Variants in RFC4 observed in about 807,000 individuals in gnomAD.
RFC4 encodes the protein A1 37 kDa subunit.
RFC4 carries 38 observed loss-of-function variants against 47.6 expected under a neutral mutation model. That is an observed-to-expected ratio of 0.80 (90% CI 0.62 to 1.05). RFC4 has a LOEUF of 1.05. RFC4 is among the 50% of genes least tolerant of loss of function. The probability of loss-of-function intolerance (pLI) is 0.00; values close to 1 mark genes in which losing one functional copy is unlikely to be tolerated. For synonymous variants in RFC4, 164 were observed against 150.0 expected (o/e 1.09, Z -0.68); for missense variants, 489 against 434.0 (o/e 1.13, Z -1.13).
intron 4 of RFC4, among the ~76,000 whole-genome samples, chr3:186,795,237 C>A (rs1019508907): frequency 2.0e-5 from 3 of 152,200 alleles, no homozygotes. Context: ...GTGATCCTTC[C>A]ACCTTGGCCT....
chr3:186,790,311 G>A lies in RFC4; in HGVS notation c.882+15C>T, dbSNP rs1218855157. 9 of 1,612,880 alleles carry A rather than the reference G, an allele frequency of 5.6e-6. No individual in the cohort carries two copies. Among genetic ancestry groups the A allele is most frequent in the Non-Finnish European group, 7.6e-6 (9 of 1,178,890 alleles). ...CTTAATATTCCTTTCCCCAAAGTTAGTAAGCTGACTTTACCTTGACCACAG... is the reference window on the plus strand; with the variant it reads ...CTTAATATTCCTTTCCCCAAAGTTAATAAGCTGACTTTACCTTGACCACAG... On this transcript the variant is annotated intron_variant, in intron 9 of 10. Coordinates refer to ENST00000296273, the MANE Select transcript of RFC4 (RefSeq NM_002916.5).
At chr3:186,790,507 C>CTAAG (rs1722082407) in intron 8 of RFC4, 101 bp from the exon 9 acceptor site, 3 of 825,662 alleles carry the variant, frequency 3.6e-6, no homozygotes, top group Middle Eastern at 2.3e-4. Flanking sequence ...TGTTCCACAC[C>CTAAG]TAAGTTCCAT....
rs918705520 is a variant in RFC4 at position 186,792,891 on chromosome 3, G to A, written c.467C>T (p.Thr156Ile). Reference protein sequence around the residue: ...IVILDEADSMTSAAQAALRRT... With the variant: ...IVILDEADSMISAAQAALRRT... ...TCTTAAAGCTGCCTGAGCAGCTGAGGTCATAGAATCTGCTTCATCCAGAAT... is the reference window on the plus strand; with the variant it reads ...TCTTAAAGCTGCCTGAGCAGCTGAGATCATAGAATCTGCTTCATCCAGAAT... The change falls in exon 6 of 11, where the codon ACC (threonine) becomes ATC (isoleucine). Residue 156 changes from threonine (T) to isoleucine (I), a missense_variant. By Grantham distance (89) the Thr-to-Ile change is moderately conservative (BLOSUM62 -1). Around this residue, in one of 2 missense-constraint regions of RFC4, gnomAD observed 206 missense variants for 257.8 expected, o/e 0.80. Coordinates refer to ENST00000296273, the MANE Select transcript of RFC4 (RefSeq NM_002916.5). 7 of 1,613,482 alleles carry A rather than the reference G, an allele frequency of 4.3e-6. No individual in the cohort carries two copies. Among genetic ancestry groups the A allele is most frequent in the Non-Finnish European group, 5.9e-6 (7 of 1,179,452 alleles).
chr3:186,798,183 C>T (rs1722280368), intron 3 of RFC4, among the ~76,000 whole-genome samples: 1 of 152,158 alleles, frequency 6.6e-6, no homozygotes, highest in African/African-American at 2.4e-5. Flanking sequence ...CATGATTATG[C>T]ACTCTGTAAG....
rs372512865 is a variant in RFC4, at chr3:186,792,805, G to A, written c.553C>T (p.Arg185Ter). Reference sequence around the variant, plus strand: ...CTGTCTTCAGGGCAATATACATACCGACTGACATAGTTACAGATAAGACAG... The same window carrying A: ...CTGTCTTCAGGGCAATATACATACCAACTGACATAGTTACAGATAAGACAG... ...RFCLICNYVS[R>*]IIEPLTSRCS... is the part of the protein sequence containing the mutation. The change falls in exon 6 of 11, where the codon CGA becomes TGA. Residue 185 changes from arginine (R) to a stop codon, truncating the protein, a stop_gained and splice_region_variant. Coordinates refer to ENST00000296273, the MANE Select transcript of RFC4 (RefSeq NM_002916.5). LOFTEE classifies it high-confidence loss of function. 5.6e-6 allele frequency: 9 copies of A among 1,611,818 alleles called. No individual in the cohort carries two copies. Among genetic ancestry groups the A allele is most frequent in the Admixed American group, 5.0e-5 (3 of 59,420 alleles).
chr3:186,799,406 G>T (rs1430212331), intron 3 of RFC4, among the ~76,000 whole-genome samples: 1 of 152,098 alleles, frequency 6.6e-6, no homozygotes, highest in Non-Finnish European at 1.5e-5. Flanking sequence ...TTAAACTGAA[G>T]TTCTTACTTC....
rs377324686 is a variant in RFC4, at chr3:186,794,828, T to A, written c.291-51A>T. 3.1e-6 allele frequency: 5 copies of A among 1,601,876 alleles called. No individual in the cohort carries two copies. The African/African-American group carries it at 5.4e-5, about 17-fold the overall frequency. On this transcript the variant is annotated intron_variant, in intron 4 of 10. Coordinates refer to ENST00000296273, the MANE Select transcript of RFC4 (RefSeq NM_002916.5). The stretch of plus-strand genomic sequence containing the variant: ...AACATAGAGCACAAGTAGGCTTAAA[T>A]CACATTTTAACATTTGCACACTTTG...
chr3:186,795,031 G>A (rs1303592391), intron 4 of RFC4, among the ~76,000 whole-genome samples: 1 of 152,140 alleles, frequency 6.6e-6, no homozygotes, highest in African/African-American at 2.4e-5. Flanking sequence ...TGGAGACAAG[G>A]TCTTGCTCTG....
At chr3:186,790,100 G>A (rs368359403) in intron 10 of RFC4, 36 bp from the exon 11 acceptor site, 4 of 1,601,116 alleles carry the variant, frequency 2.5e-6, no homozygotes, top group Non-Finnish European at 3.4e-6. Flanking sequence ...CATCCTTCAG[G>A]TAGTTAAATG....
At chr3:186,790,087 T>C (rs374188087) in intron 10 of RFC4, 23 bp from the exon 11 acceptor site, 105 of 1,607,884 alleles carry the variant, frequency 6.5e-5, no homozygotes, top group Non-Finnish European at 8.2e-5. Context: ...TTTAAGAAAT[T>C]AGCATCCTTC....
At position 186,790,265 on chromosome 3, in the gene RFC4, A is replaced by T. The variant is rs374067188; in HGVS notation, c.883-10T>A. 3.5e-5 allele frequency: 57 copies of T among 1,612,216 alleles called. No homozygotes were observed. The highest frequency in any genetic ancestry group is 2.0e-4 in the South Asian group (18 of 90,978). On this transcript the variant is annotated splice_polypyrimidine_tract_variant and intron_variant, in intron 9 of 10. Transcript: ENST00000296273. ...CCTCATCTATTAAATCCTATAATAA[A>T]AAAAACTTTTGGTATGATGACTTAA...
At position 186,789,963 on chromosome 3, in the gene RFC4, T is replaced by G. The variant is rs1448140963; in HGVS notation, c.*6A>C. 6.4e-7 allele frequency: 1 copy of G among 1,568,626 alleles called. No homozygotes were observed. Among genetic ancestry groups the G allele is most frequent in the Non-Finnish European group, 8.8e-7 (1 of 1,139,928 alleles). On this transcript the variant is annotated 3_prime_UTR_variant, in exon 11 of 11. Transcript: ENST00000296273. Reference sequence around the variant, plus strand: ...TTACAAAACCCCCCATCCAGATATATTCACGTTAACAATTCTGAGATAACT... The same window carrying G: ...TTACAAAACCCCCCATCCAGATATAGTCACGTTAACAATTCTGAGATAACT...
At chr3:186,795,518 G>A (rs1247241440) in intron 4 of RFC4, among the ~76,000 whole-genome samples, 1 of 152,118 alleles carries the variant, frequency 6.6e-6, no homozygotes, top group East Asian at 1.9e-4. Flanking sequence ...TTTCCGGCCG[G>A]ATGTGGTGGC....
rs1722243505 is a variant in RFC4 at position 186,796,297 on chromosome 3, T to C, written c.290+1238A>G. Among the ~76,000 whole-genome samples, 2 of 152,236 alleles carry C rather than the reference T, an allele frequency of 1.3e-5. No individual in the cohort carries two copies. The highest frequency in any genetic ancestry group is 6.5e-5 in the Admixed American group (1 of 15,282). ...CCTACTCTAAGTAATAATAAACAAC[T>C]GTTAAGGCTGATTCAGATTGGTTCT... On this transcript the variant is annotated intron_variant, in intron 4 of 10. Coordinates refer to ENST00000296273, the MANE Select transcript of RFC4 (RefSeq NM_002916.5). This position sits in a 1 kb window ranked among gnomAD's most constrained non-coding sequence, Gnocchi z 4.2.
At chr3:186,792,768 G>A in intron 6 of RFC4, 36 bp downstream of exon 6, 1 of 1,576,050 alleles carries the variant, frequency 6.3e-7, no homozygotes, top group East Asian at 2.2e-5. Context: ...TGAAAATAAG[G>A]CTGCCTAGCA....
intron 6 of RFC4, 57 bp from the exon 7 acceptor site, chr3:186,792,667 A>G: frequency 6.3e-7 from 1 of 1,579,970 alleles, no homozygotes; most frequent in East Asian, 2.3e-5. Context: ...CCCCAAAAGA[A>G]CTCATTTTTA....
intron 8 of RFC4, among the ~76,000 whole-genome samples, chr3:186,790,934 C>T (rs939752374): frequency 6.6e-6 from 1 of 151,168 alleles, no homozygotes; most frequent in Non-Finnish European, 1.5e-5. Flanking sequence ...ATTAGTGGTA[C>T]CAGTCTTGTC....
At position 186,789,916 on chromosome 3, in the gene RFC4, AT is replaced by A. The variant is rs1173382209; in HGVS notation, c.*52del. On this transcript the variant is annotated 3_prime_UTR_variant, in exon 11 of 11. Transcript: ENST00000296273. Reference sequence around the variant, plus strand: ...CTTTAAAGGTGCTTTTGGTCATTTTATTTTTATTACAACTTCATTATTTACA... The same window carrying A: ...CTTTAAAGGTGCTTTTGGTCATTTTATTTTATTACAACTTCATTATTTACA... The A allele has an allele frequency of 2.6e-6, 3 of 1,171,278 alleles. No homozygotes were observed. Among genetic ancestry groups the A allele is most frequent in the African/African-American group, 1.5e-5 (1 of 65,310 alleles). 72.6% of individuals were successfully genotyped at this position (1,171,278 alleles called of 1,614,324 possible).
chr3:186,792,072 T>C (rs1722153050), intron 7 of RFC4, among the ~76,000 whole-genome samples: 1 of 152,216 alleles, frequency 6.6e-6, no homozygotes, highest in South Asian at 2.1e-4. Context: ...TGAAAAAATG[T>C]TCCATATTTA....
Sources: allele counts gnomAD v4.1 joint callset (sites outside exome capture counted in the v4.1 genomes callset), GRCh38; gene constraint gnomAD v4.1.1; regional missense constraint gnomAD v4.1.1; non-coding constraint Gnocchi (gnomAD v3.1); transcripts MANE v1.5; gene names NCBI Gene and HGNC (gene_info 2026-07-23, HGNC 2026-07-21).